Variants in INPP4B observed in about 807,000 individuals in gnomAD.
INPP4B encodes inositol polyphosphate 4-phosphatase type II.
Under a neutral mutation model 122.5 loss-of-function variants are expected in INPP4B, and 55 were observed. That is an observed-to-expected ratio of 0.45 (90% CI 0.36 to 0.56). The LOEUF is 0.56. Among genes scored for constraint, INPP4B ranks in the 20% least tolerant of loss-of-function variants. The pLI, the probability that INPP4B is intolerant of heterozygous loss-of-function variation, is 0.00. For missense variants in INPP4B, 1,000 were observed against 1,097.7 expected (o/e 0.91, Z 1.26); for synonymous variants, 403 against 388.7 (o/e 1.04, Z -0.43).
chr4:142,644,518 T>C (rs1341246617), intron 2 of INPP4B, among the ~76,000 whole-genome samples: 1 of 151,654 alleles, frequency 6.6e-6, no homozygotes, highest in African/African-American at 2.4e-5. Context: ...ATTAAAATGG[T>C]ATTATTGTCA....
At chr4:142,614,893 A>T (rs921942288) in intron 2 of INPP4B, among the ~76,000 whole-genome samples, 2 of 152,176 alleles carry the variant, frequency 1.3e-5, no homozygotes, top group Non-Finnish European at 1.5e-5. Flanking sequence ...AAAAAACAAC[A>T]GATGTTGGTG....
At chr4:142,299,943 T>C (rs1404336485) in intron 9 of INPP4B, among the ~76,000 whole-genome samples, 1 of 152,218 alleles carries the variant, frequency 6.6e-6, no homozygotes, top group Non-Finnish European at 1.5e-5. Flanking sequence ...AATGCCATTA[T>C]AGAAGTATTC....
At chr4:142,362,343 G>T (rs935737142) in intron 7 of INPP4B, among the ~76,000 whole-genome samples, 12 of 151,902 alleles carry the variant, frequency 7.9e-5, no homozygotes, top group African/African-American at 2.7e-4. Flanking sequence ...TTGGAATAAA[G>T]GTAAGTGTGC....
chr4:142,215,116 G>A (rs530022626), intron 12 of INPP4B, among the ~76,000 whole-genome samples: 18 of 152,172 alleles, frequency 1.2e-4, no homozygotes, highest in African/African-American at 4.1e-4. Flanking sequence ...AGGATGCTAC[G>A]GTTGGAAGGA....
intron 1 of INPP4B, among the ~76,000 whole-genome samples, chr4:142,793,406 C>T (rs571115787): frequency 6.6e-6 from 1 of 152,010 alleles, no homozygotes; most frequent in South Asian, 2.1e-4. Flanking sequence ...AGAAGCAGAA[C>T]TATGAGCAGG....
rs2149526765 is a variant in INPP4B, at chr4:142,208,930, G to A, written c.933C>T (p.Tyr311=). Residue 311 remains tyrosine, a synonymous_variant, in exon 13 of 26, where the codon TAC becomes TAT. Coordinates refer to ENST00000262992, the MANE Select transcript of INPP4B (RefSeq NM_001101669.3). ...TGCTAAGTTCTGTCAGAATGTCTTG[G>A]TACATATTCACCATTTGATCACAGT... The part of the protein sequence containing the change: ...LTHCDQMVNM[Y]QDILTELSKE... 6.3e-7 allele frequency: 1 copy of A among 1,595,910 alleles called. No individual in the cohort carries two copies. The highest frequency in any genetic ancestry group is 8.6e-7 in the Non-Finnish European group (1 of 1,168,994).
At chr4:142,450,096 G>A (rs1451342938) in intron 3 of INPP4B, among the ~76,000 whole-genome samples, 1 of 151,990 alleles carries the variant, frequency 6.6e-6, no homozygotes, top group East Asian at 1.9e-4. Context: ...GAGCAGCCCC[G>A]ACCCAGCCTA....
At chr4:142,823,611 A>G (rs1404344812) in intron 1 of INPP4B, among the ~76,000 whole-genome samples, 2 of 152,172 alleles carry the variant, frequency 1.3e-5, no homozygotes, top group East Asian at 1.9e-4. Context: ...TATACGTCAT[A>G]TAAGTCATTA....
chr4:142,037,664 C>T (rs575648798), intron 25 of INPP4B, among the ~76,000 whole-genome samples: 2 of 152,264 alleles, frequency 1.3e-5, no homozygotes, highest in African/African-American at 4.8e-5. Context: ...AAATTACGAG[C>T]CAGGATTTTA....
rs1019142316 is a variant in INPP4B at position 142,025,962 on chromosome 4, T to C, written c.*2820A>G. 1 of 152,168 alleles carries C rather than the reference T, an allele frequency of 6.6e-6. No individual in the cohort carries two copies. The highest frequency in any genetic ancestry group is 1.5e-5 in the Non-Finnish European group (1 of 68,024). The allele number at this position is 152,168 out of a possible 1,614,324, so 9.4% of individuals were successfully genotyped here. On this transcript the variant is annotated 3_prime_UTR_variant, in exon 26 of 26. Coordinates refer to ENST00000262992, the MANE Select transcript of INPP4B (RefSeq NM_001101669.3). ...AATGATATGAGATGTAAATGAATGG[T>C]TTCCTTGTCTTTAAATATGTTTTTC...
intron 11 of INPP4B, among the ~76,000 whole-genome samples, chr4:142,256,045 G>C (rs1184513136): frequency 6.6e-6 from 1 of 150,986 alleles, no homozygotes; most frequent in Middle Eastern, 3.2e-3. Flanking sequence ...TCAGGATTAA[G>C]AATCTCACTC....
At chr4:142,137,386 A>T (rs1432518375) in intron 18 of INPP4B, among the ~76,000 whole-genome samples, 3 of 130,062 alleles carry the variant, frequency 2.3e-5, no homozygotes, top group Non-Finnish European at 4.9e-5. Flanking sequence ...AAATCAATTC[A>T]AGATGGATTA....
At chr4:142,586,940 T>C (rs1422629522) in intron 2 of INPP4B, among the ~76,000 whole-genome samples, 1 of 152,138 alleles carries the variant, frequency 6.6e-6, no homozygotes, top group Non-Finnish European at 1.5e-5. Context: ...AGACTACAAA[T>C]TCTGAAATAT....
intron 7 of INPP4B, among the ~76,000 whole-genome samples, chr4:142,328,180 T>C (rs1773163533): frequency 6.6e-6 from 1 of 152,154 alleles, no homozygotes; most frequent in African/African-American, 2.4e-5. Flanking sequence ...CATGAACTCT[T>C]CTGACGAAGA....
chr4:142,720,950 TAGAG>T (rs201065605), intron 2 of INPP4B, among the ~76,000 whole-genome samples: 2,171 of 143,924 alleles, frequency 0.015, 55 homozygotes, highest in African/African-American at 0.051. Flanking sequence ...ATCATATATA[TAGAG>T]AGAGAGAAAG....
chr4:142,093,563 C>T (rs184233689), intron 23 of INPP4B, among the ~76,000 whole-genome samples: 46 of 152,266 alleles, frequency 3.0e-4, no homozygotes, highest in Non-Finnish European at 5.7e-4. Flanking sequence ...TCTGTAACAT[C>T]AAGTCTCTTC....
intron 1 of INPP4B, among the ~76,000 whole-genome samples, chr4:142,756,026 C>T (rs928558442): frequency 6.6e-6 from 1 of 152,026 alleles, no homozygotes; most frequent in African/African-American, 2.4e-5. Flanking sequence ...GCCCTCGACC[C>T]TGGAGGGGAA....
chr4:142,059,611 T>A (rs1578757271), intron 25 of INPP4B, among the ~76,000 whole-genome samples: 1 of 152,150 alleles, frequency 6.6e-6, no homozygotes, highest in Admixed American at 6.6e-5. Flanking sequence ...CAGAACCTTA[T>A]ACTCCTTATG....
intron 2 of INPP4B, among the ~76,000 whole-genome samples, chr4:142,710,041 CAAG>C (rs1329448395): frequency 6.6e-6 from 1 of 152,160 alleles, no homozygotes; most frequent in Admixed American, 6.5e-5. Flanking sequence ...AAGCACTGCT[CAAG>C]AAGGATCCAT....
Sources: allele counts gnomAD v4.1 joint callset (sites outside exome capture counted in the v4.1 genomes callset), GRCh38; gene constraint gnomAD v4.1.1; transcripts MANE v1.5; gene names NCBI Gene and HGNC (gene_info 2026-07-23, HGNC 2026-07-21).